SORCS1: variants seen among roughly 807,000 people sequenced by gnomAD.
SORCS1 encodes sortilin related VPS10 domain containing receptor 1.
Under a neutral mutation model 146.1 loss-of-function variants are expected in SORCS1, and 60 were observed. That is an observed-to-expected ratio of 0.41 (90% confidence interval 0.33 to 0.51). The LOEUF is 0.51. Ranked by LOEUF, SORCS1 falls within the 20% of genes least tolerant of loss-of-function variation. The pLI, the probability that SORCS1 is intolerant of heterozygous loss-of-function variation, is 0.21. For synonymous variants in SORCS1, 637 were observed against 584.0 expected, an observed-to-expected ratio of 1.09 and a Z score of -1.31; for missense variants, 1,352 against 1,487.6, an observed-to-expected ratio of 0.91 and a Z score of 1.50.
At chr10:107,070,995 T>TA (rs1962370448) in intron 1 of SORCS1, among the ~76,000 whole-genome samples, 1 of 152,192 alleles carries the variant, frequency 6.6e-6, no homozygotes, top group East Asian at 1.9e-4. Flanking sequence ...ATGTGGCATC[T>TA]ACTAGGTGCT....
At chr10:106,622,726 A>G (rs12256205) in intron 19 of SORCS1, among the ~76,000 whole-genome samples, 1,965 of 152,306 alleles carry the variant, frequency 0.013, 47 homozygotes, top group African/African-American at 0.046. Flanking sequence ...TTCTTATTTT[A>G]TCCTCACAAA....
At chr10:107,045,622 C>A (rs1201068344) in intron 1 of SORCS1, among the ~76,000 whole-genome samples, 2 of 151,884 alleles carry the variant, frequency 1.3e-5, no homozygotes, top group African/African-American at 4.8e-5. Flanking sequence ...TGCAGAATGC[C>A]TAAGGCACAC....
Position 106,620,418 on chromosome 10 carries a change from G to C in SORCS1, c.2796+10C>G, listed in dbSNP as rs747959554. 2.1e-5 allele frequency: 33 copies of C among 1,609,718 alleles called. No homozygotes were observed. In the Admixed American group the frequency reaches 5.0e-4, roughly 25 times the overall value. On this transcript the variant is annotated intron_variant, in intron 20 of 25. Transcript: ENST00000263054. ...TCTGTCCCTAGATCGCATGTGGAAG[G>C]TGAACCCACCTCCGTGTTGTTTCCG... is the stretch of plus-strand genomic sequence containing the variant.
intron 17 of SORCS1, among the ~76,000 whole-genome samples, chr10:106,653,084 G>A (rs1174091519): frequency 6.6e-6 from 1 of 152,174 alleles, no homozygotes; most frequent in East Asian, 1.9e-4. Context: ...TTTCTACTCA[G>A]TCTTTCATGA....
At chr10:106,910,312 TGTGA>T (rs1374563848) in intron 2 of SORCS1, among the ~76,000 whole-genome samples, 182 of 129,982 alleles carry the variant, frequency 1.4e-3, no homozygotes, top group Middle Eastern at 7.3e-3. Flanking sequence ...TGTGTGTGTG[TGTGA>T]GACAGTATAT....
At chr10:107,125,630 GA>G (rs1320906758) in intron 1 of SORCS1, among the ~76,000 whole-genome samples, 16 of 152,332 alleles carry the variant, frequency 1.1e-4, no homozygotes, top group African/African-American at 3.6e-4. Flanking sequence ...AGCAAATAAT[GA>G]AGGTGAAATA....
intron 1 of SORCS1, 39 bp from the exon 2 acceptor site, chr10:106,956,619 A>G (rs1162403368): frequency 6.3e-7 from 1 of 1,577,026 alleles, no homozygotes; most frequent in Non-Finnish European, 8.7e-7. Context: ...GTCTCAAACA[A>G]TTACAATCTC....
At chr10:106,911,595 C>A (rs1952157679) in intron 2 of SORCS1, among the ~76,000 whole-genome samples, 1 of 152,176 alleles carries the variant, frequency 6.6e-6, no homozygotes, top group Admixed American at 6.5e-5. Flanking sequence ...CCACTAAATA[C>A]TGTCAGCACC....
intron 5 of SORCS1, among the ~76,000 whole-genome samples, chr10:106,757,326 GA>G (rs1858725380): frequency 6.6e-6 from 1 of 151,978 alleles, no homozygotes; most frequent in Non-Finnish European, 1.5e-5. Flanking sequence ...TAACACTAGA[GA>G]AATCTCCCTC....
At chr10:107,079,225 CAAA>C (rs796448763) in intron 1 of SORCS1, among the ~76,000 whole-genome samples, 1 of 104,852 alleles carries the variant, frequency 9.5e-6, no homozygotes, top group Non-Finnish European at 2.0e-5. Context: ...GACTCTGTCT[CAAA>C]AAAAAAAAAA....
chr10:106,769,148 C>T (rs1333205439), intron 4 of SORCS1, among the ~76,000 whole-genome samples: 1 of 152,062 alleles, frequency 6.6e-6, no homozygotes, highest in Non-Finnish European at 1.5e-5. Flanking sequence ...TTGAAAGCAG[C>T]CATGATAAGT....
At chr10:106,621,151 A>C (rs1236093621) in intron 19 of SORCS1, among the ~76,000 whole-genome samples, 1 of 152,236 alleles carries the variant, frequency 6.6e-6, no homozygotes, top group East Asian at 1.9e-4. Context: ...GTAAGTAGAT[A>C]GAGAGCTCTG....
chr10:107,000,605 C>CAA (rs1217124316), intron 1 of SORCS1, among the ~76,000 whole-genome samples: 1,197 of 75,508 alleles, frequency 0.016, 13 homozygotes, highest in Middle Eastern at 0.083. Context: ...GACTCCATCT[C>CAA]AAAAAAAAAA....
chr10:106,761,739 A>T (rs1467083244), intron 4 of SORCS1, 78 bp from the exon 5 acceptor site: 1 of 1,189,442 alleles, frequency 8.4e-7, no homozygotes, highest in Non-Finnish European at 1.2e-6. Flanking sequence ...TTGGATCAAT[A>T]GTAATAATAA....
chr10:106,860,130 GACTC>G (rs1163107704), intron 2 of SORCS1, among the ~76,000 whole-genome samples: 6 of 152,216 alleles, frequency 3.9e-5, no homozygotes, highest in Non-Finnish European at 7.3e-5. Flanking sequence ...AGAGATTAGT[GACTC>G]ACTAAGGAAG....
rs1251581549 is a variant in SORCS1, at chr10:106,675,159, A to G, written c.1833-3T>C. ...ATCTCCCTTCATCAAAACTCAACCTAATGATATAAAAAATATCAGTCATCA... is the reference window on the plus strand; with the variant it reads ...ATCTCCCTTCATCAAAACTCAACCTGATGATATAAAAAATATCAGTCATCA... On this transcript the variant is annotated splice_polypyrimidine_tract_variant and splice_region_variant and intron_variant, in intron 13 of 25. Coordinates refer to ENST00000263054, the MANE Select transcript of SORCS1 (RefSeq NM_052918.5). 6.2e-7 allele frequency: 1 copy of G among 1,604,894 alleles called. No individual in the cohort carries two copies. Among genetic ancestry groups the G allele is most frequent in the East Asian group, 2.2e-5 (1 of 44,780 alleles).
chr10:106,831,904 T>TA (rs1313039981), intron 2 of SORCS1, among the ~76,000 whole-genome samples: 1 of 152,228 alleles, frequency 6.6e-6, no homozygotes, highest in Non-Finnish European at 1.5e-5. Flanking sequence ...GACTAGATGT[T>TA]ACCTTTGTAA....
chr10:106,666,647 C>T (rs902971807), intron 17 of SORCS1, among the ~76,000 whole-genome samples: 1 of 151,494 alleles, frequency 6.6e-6, no homozygotes, highest in Non-Finnish European at 1.5e-5. Flanking sequence ...ACCTCTGCCT[C>T]CTGGGTTCAA....
intron 6 of SORCS1, among the ~76,000 whole-genome samples, chr10:106,710,170 C>T (rs990976848): frequency 4.6e-5 from 7 of 151,980 alleles, no homozygotes; most frequent in African/African-American, 1.2e-4. Context: ...AAAACAGAGC[C>T]GGGAGCTGTG....
Sources: allele counts gnomAD v4.1 joint callset (sites outside exome capture counted in the v4.1 genomes callset), GRCh38; gene constraint gnomAD v4.1.1; transcripts MANE v1.5; gene names NCBI Gene and HGNC (gene_info 2026-07-23, HGNC 2026-07-21).